Variants in ADAM22 observed in about 807,000 individuals in gnomAD.
ADAM22 encodes the protein disintegrin and metalloproteinase domain-containing protein 22.
In ADAM22, 65 loss-of-function variants were observed where a neutral mutation model predicts 144.6. The ratio of observed to expected loss-of-function variants is 0.45; its 90% CI spans 0.37 to 0.55. ADAM22 has a LOEUF of 0.55. Ranked by LOEUF, ADAM22 falls within the 20% of genes least tolerant of loss-of-function variation. The probability of loss-of-function intolerance (pLI) is 0.00; values close to 1 mark genes in which losing one functional copy is unlikely to be tolerated. For synonymous variants in ADAM22, 391 were observed against 412.6 expected (o/e 0.95, Z 0.63); for missense variants, 974 against 1,184.9 (o/e 0.82, Z 2.61).
rs1218140217 is a variant in ADAM22, at chr7:88,006,431, G to T, written c.323+28019G>T. ...CCAGCATCATCCTGATACCAAAGCT[G>T]GGCAGAGACACAACCAAAAAAGAGA... On this transcript the variant is annotated intron_variant, in intron 3 of 31. Coordinates refer to ENST00000413139, the MANE Select transcript of ADAM22 (RefSeq NM_001324418.2). Among the ~76,000 whole-genome samples, 4 of 151,892 alleles carry T rather than the reference G, an allele frequency of 2.6e-5. No homozygotes were observed. In the South Asian group the frequency reaches 6.2e-4, roughly 24 times the overall value.
At chr7:87,972,076 T>C (rs2129447431) in intron 2 of ADAM22, among the ~76,000 whole-genome samples, 1 of 152,252 alleles carries the variant, frequency 6.6e-6, no homozygotes, top group South Asian at 2.1e-4. Context: ...TTGGAAGTTC[T>C]GGCCAGGGCA....
rs1851292646 is a variant in ADAM22, at chr7:88,202,868, TAAAA to T, written c.*6378_*6381del. Reference sequence around the variant, plus strand: ...GTAACATTAGTAAAGTGACTTTCAATAAAAGATTTATGTTATTTTGATGCACGAC... The same window carrying T: ...GTAACATTAGTAAAGTGACTTTCAATGATTTATGTTATTTTGATGCACGAC... On this transcript the variant is annotated 3_prime_UTR_variant, in exon 32 of 32. Coordinates refer to ENST00000413139, the MANE Select transcript of ADAM22 (RefSeq NM_001324418.2). 6.6e-6 allele frequency: 1 copy of T among 152,232 alleles called. No individual in the cohort carries two copies. Among genetic ancestry groups the T allele is most frequent in the Admixed American group, 6.5e-5 (1 of 15,280 alleles). 9.4% of individuals were successfully genotyped at this position (152,232 alleles called of 1,614,324 possible).
chr7:88,095,867 G>A (rs1050838722), intron 4 of ADAM22, among the ~76,000 whole-genome samples: 2 of 151,764 alleles, frequency 1.3e-5, no homozygotes, highest in South Asian at 2.1e-4. Flanking sequence ...TTCTTGCCTT[G>A]ACTCTTTTAC....
intron 2 of ADAM22, among the ~76,000 whole-genome samples, chr7:87,948,968 A>G (rs1401866839): frequency 6.6e-6 from 1 of 152,238 alleles, no homozygotes; most frequent in Non-Finnish European, 1.5e-5. Flanking sequence ...AATGCAGGAA[A>G]AAAGTTCTGT....
intron 26 of ADAM22, among the ~76,000 whole-genome samples, chr7:88,173,079 T>C (rs892978310): frequency 6.6e-6 from 1 of 152,046 alleles, no homozygotes; most frequent in African/African-American, 2.4e-5. Context: ...CACAGTGCTC[T>C]AAGATGTGTT....
chr7:88,056,591 C>A (rs1465758491), intron 3 of ADAM22, among the ~76,000 whole-genome samples: 1 of 152,136 alleles, frequency 6.6e-6, no homozygotes, highest in East Asian at 1.9e-4. Context: ...GGTGCCACAT[C>A]CAAAGGCCTT....
chr7:88,167,591 GA>G (rs1843247015), intron 24 of ADAM22, among the ~76,000 whole-genome samples: 1 of 152,100 alleles, frequency 6.6e-6, no homozygotes, highest in South Asian at 2.1e-4. Flanking sequence ...TCATTGCCCA[GA>G]CGGGGAATTA....
chr7:87,981,270 T>G (rs938619728), intron 3 of ADAM22, among the ~76,000 whole-genome samples: 1 of 152,188 alleles, frequency 6.6e-6, no homozygotes, highest in Non-Finnish European at 1.5e-5. Flanking sequence ...GAAAAATATC[T>G]TTTATAGCCT....
chr7:88,070,237 A>G (rs993626148), intron 3 of ADAM22, among the ~76,000 whole-genome samples: 2 of 152,152 alleles, frequency 1.3e-5, no homozygotes, highest in East Asian at 1.9e-4. Context: ...TTAAGATGCT[A>G]TGGGACAATG....
chr7:88,176,708 C>T (rs1845759355), intron 26 of ADAM22, among the ~76,000 whole-genome samples: 1 of 152,118 alleles, frequency 6.6e-6, no homozygotes, highest in African/African-American at 2.4e-5. Flanking sequence ...TGGGAATGGT[C>T]AAGTGTAGTT....
At chr7:88,195,033 A>C (rs903838567) in intron 31 of ADAM22, among the ~76,000 whole-genome samples, 1 of 152,196 alleles carries the variant, frequency 6.6e-6, no homozygotes, top group African/African-American at 2.4e-5. Context: ...GAACATATTA[A>C]GGGAACCTAT....
At chr7:88,045,020 C>T (rs1039269178) in intron 3 of ADAM22, among the ~76,000 whole-genome samples, 2 of 150,418 alleles carry the variant, frequency 1.3e-5, no homozygotes, top group Non-Finnish European at 3.0e-5. Context: ...CCACTGCACC[C>T]GGCCTTTTTT....
At chr7:87,945,704 G>A (rs1040158439) in intron 2 of ADAM22, among the ~76,000 whole-genome samples, 1 of 151,832 alleles carries the variant, frequency 6.6e-6, no homozygotes, top group African/African-American at 2.4e-5. Flanking sequence ...AGTAGAGACG[G>A]GGGTTTCACC....
chr7:88,162,797 A>G (rs903779978), intron 22 of ADAM22, among the ~76,000 whole-genome samples: 3 of 152,124 alleles, frequency 2.0e-5, no homozygotes, highest in Admixed American at 6.6e-5. Context: ...TATAGTAATT[A>G]CATTCAAATC....
intron 3 of ADAM22, among the ~76,000 whole-genome samples, chr7:88,004,789 T>A (rs566116756): frequency 1.3e-5 from 2 of 152,346 alleles, no homozygotes; most frequent in South Asian, 4.1e-4. Context: ...GGACAGTGAA[T>A]GATCTTAAAT....
Position 88,156,098 on chromosome 7 carries a change from TTAG to T in ADAM22, c.1907+96_1907+98del, listed in dbSNP as rs1364424117. ...CTTCCGTTTTCAATTAATGTACATG[TTAG>T]TAGGTCGAAATATAATCTAGTCTAT... On this transcript the variant is annotated intron_variant, in intron 22 of 31. Transcript: ENST00000413139. 3 of 1,405,150 alleles carry T rather than the reference TTAG, an allele frequency of 2.1e-6. No homozygotes were observed. The African/African-American group carries it at 4.3e-5, about 20-fold the overall frequency. 87.0% of individuals were successfully genotyped at this position (1,405,150 alleles called of 1,614,324 possible). A position where few individuals can be genotyped will look rare whatever the true frequency, so the allele number is the denominator to read the frequency against.
At chr7:88,045,443 T>C (rs2129472873) in intron 3 of ADAM22, among the ~76,000 whole-genome samples, 1 of 152,334 alleles carries the variant, frequency 6.6e-6, no homozygotes. Flanking sequence ...AAAAATTGTG[T>C]ATATTTATGG....
chr7:88,094,473 T>G (rs1269935082), intron 4 of ADAM22, among the ~76,000 whole-genome samples: 1 of 152,082 alleles, frequency 6.6e-6, no homozygotes, highest in Non-Finnish European at 1.5e-5. Context: ...GTGGAGCAAG[T>G]GCACAGGAAG....
In ADAM22 at chr7:88,136,022, G is replaced by A. The variant is rs776793203; in HGVS notation, c.1211G>A (p.Gly404Glu). Residue 404 changes from glycine to glutamate, a missense_variant, in exon 14 of 32, where the codon GGA (glycine) becomes GAA (glutamate). This residue lies in a region of ADAM22 where 734 missense variants were observed against 950.6 expected (regional missense o/e 0.77). Coordinates refer to ENST00000413139, the MANE Select transcript of ADAM22 (RefSeq NM_001324418.2). The part of the protein sequence containing the change: ...CEDTWSGCIM[G>E]DTGYYLPKKF... Reference sequence around the variant, plus strand: ...GACACGTGGTCCGGGTGCATAATGGGAGACACTGGGTGAGCCACTTGTATT... The same window carrying A: ...GACACGTGGTCCGGGTGCATAATGGAAGACACTGGGTGAGCCACTTGTATT... 2 of 1,612,086 alleles carry A rather than the reference G, an allele frequency of 1.2e-6. No homozygotes were observed. Among genetic ancestry groups the A allele is most frequent in the South Asian group, 2.2e-5 (2 of 90,520 alleles).
Sources: allele counts gnomAD v4.1 joint callset (sites outside exome capture counted in the v4.1 genomes callset), GRCh38; gene constraint gnomAD v4.1.1; regional missense constraint gnomAD v4.1.1; transcripts MANE v1.5; gene names NCBI Gene and HGNC (gene_info 2026-07-23, HGNC 2026-07-21).